Variants in THBS4 observed in about 807,000 individuals in gnomAD.
THBS4 encodes the protein thrombospondin-4.
Under a neutral mutation model 115.7 loss-of-function variants are expected in THBS4, and 90 were observed. The observed-to-expected ratio is 0.78, with a 90% CI of 0.66 to 0.93. The LOEUF (loss-of-function observed/expected upper bound fraction) is 0.93, where lower values mean the gene tolerates loss of function less well. THBS4 is among the 40% of genes least tolerant of loss of function. The pLI is 0.00. For synonymous variants in THBS4, 460 were observed against 479.3 expected, an observed-to-expected ratio of 0.96 and a Z score of 0.53; for missense variants, 1,087 against 1,232.7, an observed-to-expected ratio of 0.88 and a Z score of 1.77.
rs1294750036 is a variant in THBS4 at position 80,082,420 on chromosome 5, A to G, written c.2699A>G (p.Glu900Gly). ...GTTGTCCGCAGGGTACGATTTTATG[A>G]AGGCTCTGAGTTGGTGGCTGACTCT... The part of the protein sequence containing the change: ...QVGYIRVRFY[E>G]GSELVADSGV... Residue 900 changes from glutamate (E) to glycine (G), a missense_variant, in exon 21 of 22, where the codon GAA (glutamate) becomes GGA (glycine). Around this residue, in one of 3 missense-constraint regions of THBS4, gnomAD observed 103 missense variants for 108.2 expected, o/e 0.95. Transcript: ENST00000350881. 6.2e-7 allele frequency: 1 copy of G among 1,614,068 alleles called. No homozygotes were observed. The highest frequency in any genetic ancestry group is 1.1e-5 in the South Asian group (1 of 91,084).
At chr5:80,014,989 A>G (rs1286168297) in intron 2 of THBS4, among the ~76,000 whole-genome samples, 1 of 152,264 alleles carries the variant, frequency 6.6e-6, no homozygotes, top group African/African-American at 2.4e-5. Flanking sequence ...AGATAAAGCC[A>G]AAGTCTTGCT....
chr5:80,035,984 C>G lies in THBS4; in HGVS notation c.88+359C>G. On this transcript the variant is annotated intron_variant, in intron 1 of 21. Coordinates refer to ENST00000350881, the MANE Select transcript of THBS4 (RefSeq NM_003248.6). The surrounding 1 kb of genome is among the most constrained non-coding windows in gnomAD (Gnocchi z 4.6). Reference sequence around the variant, plus strand: ...CCGGGTCCTGCACCCTGTGCCGGTTCCCTCCAGGCAGCCTTGCTCCCTAAA... The same window carrying G: ...CCGGGTCCTGCACCCTGTGCCGGTTGCCTCCAGGCAGCCTTGCTCCCTAAA... 1 of 1,024,548 alleles carries G rather than the reference C, an allele frequency of 9.8e-7. No individual in the cohort carries two copies. Among genetic ancestry groups the G allele is most frequent in the Non-Finnish European group, 1.2e-6 (1 of 856,084 alleles). 63.5% of individuals were successfully genotyped at this position (1,024,548 alleles called of 1,614,324 possible).
At chr5:80,073,384 TG>T (rs1275301497) in intron 15 of THBS4, 57 bp downstream of exon 15, 37 of 1,540,982 alleles carry the variant, frequency 2.4e-5, no homozygotes, top group Middle Eastern at 1.8e-4. Context: ...AGAGGGTTTT[TG>T]GTTTGTTTTT....
chr5:80,050,126 G>A (rs975147508), intron 2 of THBS4, among the ~76,000 whole-genome samples: 1 of 152,232 alleles, frequency 6.6e-6, no homozygotes, highest in African/African-American at 2.4e-5. Context: ...TCAATGTGCT[G>A]CAGCTGAAGA....
chr5:80,022,688 CA>C (rs1168030561), intron 2 of THBS4, among the ~76,000 whole-genome samples: 1 of 151,806 alleles, frequency 6.6e-6, no homozygotes, highest in African/African-American at 2.4e-5. Flanking sequence ...ACATTCTGTA[CA>C]AAAAAAAGTA....
In THBS4 at chr5:80,078,205, C is replaced by T; in HGVS notation, c.2243C>T (p.Pro748Leu). The change falls in exon 17 of 22, where the codon CCC (proline) becomes CTC (leucine). Residue 748 changes from proline to leucine, a missense_variant. This residue lies in a region of THBS4 where 979 missense variants were observed against 1,103.7 expected (regional missense o/e 0.89). Transcript: ENST00000350881. ...LDPEGDAQID[P>L]NWVVLNQGME... ...CCTGAAGGGGATGCCCAGATCGATC[C>T]CAACTGGGTGGTCCTGAACCAGGTG... is the stretch of plus-strand genomic sequence containing the variant. 6.3e-7 allele frequency: 1 copy of T among 1,596,894 alleles called. No homozygotes were observed. The highest frequency in any genetic ancestry group is 8.6e-7 in the Non-Finnish European group (1 of 1,167,840).
intron 2 of THBS4, among the ~76,000 whole-genome samples, chr5:80,029,357 T>C (rs1832541716): frequency 6.6e-6 from 1 of 152,212 alleles, no homozygotes; most frequent in African/African-American, 2.4e-5. Context: ...TGTTGTTTAA[T>C]GAAGGCAAGC....
chr5:80,040,782 T>C (rs1832874147), intron 2 of THBS4, among the ~76,000 whole-genome samples: 1 of 152,160 alleles, frequency 6.6e-6, no homozygotes, highest in South Asian at 2.1e-4. Context: ...TTTATTTAGC[T>C]CACAGTCCTG....
chr5:80,079,405 G>A lies in THBS4; in HGVS notation c.2511+147G>A, dbSNP rs1743380235. 6.8e-6 allele frequency: 6 copies of A among 886,074 alleles called. No homozygotes were observed. The Admixed American group carries it at 8.9e-5, about 13-fold the overall frequency. 54.9% of individuals were successfully genotyped at this position (886,074 alleles called of 1,614,324 possible). On this transcript the variant is annotated intron_variant, in intron 19 of 21. Coordinates refer to ENST00000350881, the MANE Select transcript of THBS4 (RefSeq NM_003248.6). ...GTTAGAGTCAGGGAAGACTACAGTT[G>A]ACCCTTGCCTTCATTCCTGTGTGCC...
At chr5:79,998,342 C>T (rs567007634) in exon 2 of THBS4, 6 of 152,946 alleles carry the variant, frequency 3.9e-5, no homozygotes, top group Admixed American at 6.5e-5. Flanking sequence ...CTGTGTGGGA[C>T]GTGCCTGCTT....
At chr5:80,056,122 C>A in intron 3 of THBS4, 90 bp downstream of exon 3, 1 of 1,438,366 alleles carries the variant, frequency 7.0e-7, no homozygotes, top group Non-Finnish European at 9.3e-7. Context: ...ATTCCTGCTG[C>A]AGGTCAGTGG....
intron 1 of THBS4, among the ~76,000 whole-genome samples, chr5:80,039,642 A>G (rs997846088): frequency 2.0e-5 from 3 of 152,166 alleles, no homozygotes; most frequent in South Asian, 2.1e-4. Flanking sequence ...GGAAAACACA[A>G]TTGGCTCTGG....
chr5:80,054,159 C>CTTT (rs757155578), intron 2 of THBS4, among the ~76,000 whole-genome samples: 1,166 of 88,546 alleles, frequency 0.013, 19 homozygotes, highest in African/African-American at 0.038. Context: ...CTTTTCTTTT[C>CTTT]TTTTTTTTTT....
chr5:80,055,817 G>C lies in THBS4; in HGVS notation c.325G>C (p.Val109Leu). 1 of 1,613,980 alleles carries C rather than the reference G, an allele frequency of 6.2e-7. No homozygotes were observed. Among genetic ancestry groups the C allele is most frequent in the Non-Finnish European group, 8.5e-7 (1 of 1,179,884 alleles). Residue 109 changes from valine (V) to leucine (L), a missense_variant, in exon 3 of 22, where the codon GTG becomes CTG. Coordinates refer to ENST00000350881, the MANE Select transcript of THBS4 (RefSeq NM_003248.6). Reference protein sequence around the residue: ...ILRYLKNDGKVHLVVFNNLQL... With the variant: ...ILRYLKNDGKLHLVVFNNLQL... ...CCGTTACCTGAAGAACGATGGGAAG[G>C]TGCATTTGGTGGTTTTCAACAACCT...
At chr5:80,074,404 A>G (rs1266524368) in intron 15 of THBS4, 3 of 152,240 alleles carry the variant, frequency 2.0e-5, no homozygotes, top group African/African-American at 7.2e-5. Flanking sequence ...ACTCAGCCCT[A>G]GCGGCACCTG....
At chr5:80,041,886 CT>C (rs1310002954) in intron 2 of THBS4, among the ~76,000 whole-genome samples, 1 of 152,198 alleles carries the variant, frequency 6.6e-6, no homozygotes, top group Non-Finnish European at 1.5e-5. Context: ...TTCAAACTCT[CT>C]CTTAGATTAT....
In THBS4 at chr5:80,058,926, A is replaced by G. The variant is rs1042262437; in HGVS notation, c.732+136A>G. 3.6e-5 allele frequency: 27 copies of G among 757,052 alleles called. No individual in the cohort carries two copies. In the South Asian group the frequency reaches 4.6e-4, roughly 13 times the overall value. The allele number at this position is 757,052 out of a possible 1,614,324, so 46.9% of individuals were successfully genotyped here. On this transcript the variant is annotated intron_variant, in intron 5 of 21. Transcript: ENST00000350881. ...TCTCCGGGGGCCCACGCAGCCCCGC[A>G]CGCCAGGGCTCTGCTGGAAGTTCTC...
intron 2 of THBS4, 131 bp from the exon 3 acceptor site, chr5:80,055,654 A>G (rs985670251): frequency 3.8e-6 from 5 of 1,313,220 alleles, no homozygotes; most frequent in Non-Finnish European, 5.2e-6. Flanking sequence ...TCTCACTCAC[A>G]TTCCGTCCAG....
At chr5:80,041,310 C>G (rs935916048) in intron 2 of THBS4, among the ~76,000 whole-genome samples, 2 of 152,180 alleles carry the variant, frequency 1.3e-5, no homozygotes, top group Admixed American at 6.5e-5. Context: ...AGGACCTCAT[C>G]TAAACCTAAT....
Sources: gnomAD v4.1 joint callset for allele counts (sites outside exome capture counted in the v4.1 genomes callset) on GRCh38, gnomAD v4.1.1 for gene constraint, gnomAD v4.1.1 regional missense constraint, Gnocchi (gnomAD v3.1) non-coding constraint, MANE v1.5 for transcripts, NCBI Gene and HGNC (gene_info 2026-07-23, HGNC 2026-07-21) for gene names.